The following PHRF1 variants were observed in gnomAD, a reference collection of about 807,000 sequenced individuals.
The protein encoded by PHRF1 is PHD and ring finger domains 1, also known as PHD and RING finger domain-containing protein 1.
A neutral mutation model predicts 128.9 loss-of-function variants in PHRF1; 53 were observed. That is an observed-to-expected ratio of 0.41 (90% CI 0.33 to 0.52). PHRF1 has a LOEUF of 0.52. Ranked by LOEUF, PHRF1 falls within the 20% of genes least tolerant of loss-of-function variation. The probability of loss-of-function intolerance (pLI) is 0.21; values close to 1 mark genes in which losing one functional copy is unlikely to be tolerated. For missense variants in PHRF1, 2,503 were observed against 2,284.5 expected (o/e 1.10, Z -1.95); for synonymous variants, 1,178 against 980.6 (o/e 1.20, Z -3.76).
At chr11:606,307 C>T in intron 12 of PHRF1, 135 bp from the exon 13 acceptor site, 1 of 1,192,942 alleles carries the variant, frequency 8.4e-7, no homozygotes, top group Non-Finnish European at 1.1e-6. Flanking sequence ...CAGCCGGAGC[C>T]AGGGCTGTGG....
intron 1 of PHRF1, among the ~76,000 whole-genome samples, chr11:576,937 G>C (rs1195478784): frequency 6.6e-6 from 1 of 151,750 alleles, no homozygotes; most frequent in Non-Finnish European, 1.5e-5. Flanking sequence ...CGTGGCCTGC[G>C]GGCGGACGTC....
intron 10 of PHRF1, among the ~76,000 whole-genome samples, chr11:603,590 C>A (rs947371441): frequency 6.6e-6 from 1 of 152,148 alleles, no homozygotes; most frequent in Non-Finnish European, 1.5e-5. Context: ...CTGCCTCAAC[C>A]TCCCAAAGTG....
intron 5 of PHRF1, among the ~76,000 whole-genome samples, chr11:592,321 T>G (rs1855020571): frequency 2.0e-5 from 3 of 151,548 alleles, no homozygotes; most frequent in African/African-American, 7.3e-5. Context: ...GCTTACCCGC[T>G]CCTTTCCGTG....
In PHRF1 at chr11:607,501, T is replaced by C. The variant is rs1274217399; in HGVS notation, c.2045T>C (p.Ile682Thr). The C allele has an allele frequency of 6.2e-7, 1 of 1,612,750 alleles. No homozygotes were observed. The highest frequency in any genetic ancestry group is 1.1e-5 in the South Asian group (1 of 91,090). The change falls in exon 14 of 18, where the codon ATA becomes ACA. Residue 682 changes from isoleucine to threonine, a missense_variant. By Grantham distance (89) the Ile-to-Thr change is moderately conservative. Transcript: ENST00000264555. ...ACAGACATCTCTGAGCTACCCAGGA[T>C]ACCAAAGATCAGGAGAGATGACGGT... is the stretch of plus-strand genomic sequence containing the variant. ...RRTDISELPR[I>T]PKIRRDDGGG...
intron 10 of PHRF1, among the ~76,000 whole-genome samples, chr11:602,728 A>G (rs921425999): frequency 2.0e-5 from 3 of 151,860 alleles, no homozygotes; most frequent in Admixed American, 6.6e-5. Context: ...CCATTGTTCA[A>G]GTGTTTGCTG....
Position 579,253 on chromosome 11 carries a change from C to T in PHRF1, c.-21-2239C>T, listed in dbSNP as rs72841254. On this transcript the variant is annotated intron_variant, in intron 1 of 17. Transcript: ENST00000264555. Reference sequence around the variant, plus strand: ...CCCTGCTCCTCCCCCCAGCCCTGCTCCTCCCCCCAGCCCTGCTCTGTTATC... The same window carrying T: ...CCCTGCTCCTCCCCCCAGCCCTGCTTCTCCCCCCAGCCCTGCTCTGTTATC... Among the ~76,000 whole-genome samples, 246 of 82,518 alleles carry T rather than the reference C, an allele frequency of 3.0e-3. 2 individuals carry two copies. Among genetic ancestry groups the T allele is most frequent in the Middle Eastern group, 0.014 (2 of 140 alleles). 54.1% of individuals were successfully genotyped at this position (82,518 alleles called of 152,430 possible).
intron 10 of PHRF1, among the ~76,000 whole-genome samples, chr11:603,485 G>A (rs902914760): frequency 1.3e-5 from 2 of 152,052 alleles, no homozygotes; most frequent in Non-Finnish European, 2.9e-5. Flanking sequence ...ACAGGCTCAC[G>A]CCACCTCACC....
chr11:609,457 C>T lies in PHRF1; in HGVS notation c.4001C>T (p.Pro1334Leu). The T allele has an allele frequency of 3.1e-6, 5 of 1,605,952 alleles. No homozygotes were observed. Among genetic ancestry groups the T allele is most frequent in the Non-Finnish European group, 3.4e-6 (4 of 1,179,604 alleles). ...ATGCACGATGAAGACCCTTCGCAGC[C>T]CCCACCCCTGCCAGAGGGCACCCAG... is the stretch of plus-strand genomic sequence containing the variant. ...SLMHDEDPSQ[P>L]PPLPEGTQEP... is the part of the protein sequence containing the mutation. The change falls in exon 14 of 18, where the codon CCC becomes CTC. Residue 1334 changes from proline (P) to leucine (L), a missense_variant. Transcript: ENST00000264555.
At position 608,999 on chromosome 11, in the gene PHRF1, T is replaced by G. The variant is rs956788375; in HGVS notation, c.3543T>G (p.Arg1181=). ...GGGAGCACAGGCGGCCTCGGTCCCG[T>G]GAGAAGTGGCCGCAGACCCGGTCCC... ...RAREHRRPRS[R]EKWPQTRSHS... is the part of the protein sequence containing the mutation. Residue 1181 remains arginine, a synonymous_variant, in exon 14 of 18, where the codon CGT becomes CGG. Transcript: ENST00000264555. The G allele has an allele frequency of 1.6e-5, 26 of 1,602,448 alleles. No homozygotes were observed. In the Admixed American group the frequency reaches 3.3e-4, roughly 20 times the overall value.
chr11:586,941 G>C (rs1001229806), intron 3 of PHRF1, among the ~76,000 whole-genome samples: 1 of 152,188 alleles, frequency 6.6e-6, no homozygotes, highest in Non-Finnish European at 1.5e-5. Flanking sequence ...ACCTGTGCTA[G>C]GCCCCAGGGC....
Position 610,303 on chromosome 11 carries a change from C to G in PHRF1, c.4372C>G (p.His1458Asp). Residue 1458 changes from histidine (H) to aspartate (D), a missense_variant, in exon 15 of 18, where the codon CAC (histidine) becomes GAC (aspartate). Coordinates refer to ENST00000264555, the MANE Select transcript of PHRF1 (RefSeq NM_001286581.2). ...GTTCTCCGAGCTGCCCTTTCCCAGTCACGTGCTTCCGGAACCCGGGTTCCC... is the reference window on the plus strand; with the variant it reads ...GTTCTCCGAGCTGCCCTTTCCCAGTGACGTGCTTCCGGAACCCGGGTTCCC... ...QVFSELPFPSHVLPEPGFPDT... is the reference protein window; with the variant it reads ...QVFSELPFPSDVLPEPGFPDT... The G allele has an allele frequency of 1.3e-6, 2 of 1,564,656 alleles. No homozygotes were observed. Among genetic ancestry groups the G allele is most frequent in the East Asian group, 4.8e-5 (2 of 41,876 alleles).
At chr11:611,531 G>A (rs12419618) in intron 17 of PHRF1, 103 bp from the exon 18 acceptor site, 333,656 of 1,523,818 alleles carry the variant, frequency 0.22, 38,808 homozygotes, top group African/African-American at 0.32. Flanking sequence ...CCTAGGGCCT[G>A]CTCCTGAGCA....
At chr11:596,467 C>T (rs974371011) in intron 6 of PHRF1, among the ~76,000 whole-genome samples, 3 of 152,202 alleles carry the variant, frequency 2.0e-5, no homozygotes, top group East Asian at 1.9e-4. Context: ...CAGCACCTAC[C>T]GCAGGAGCTC....
rs1187166375 is a variant in PHRF1 at position 597,691 on chromosome 11, ATGT to A, written c.894+126_894+128del. 3.8e-6 allele frequency: 5 copies of A among 1,314,848 alleles called. No homozygotes were observed. Among genetic ancestry groups the A allele is most frequent in the Non-Finnish European group, 5.2e-6 (5 of 968,114 alleles). 81.4% of individuals were successfully genotyped at this position (1,314,848 alleles called of 1,614,324 possible). A position where few individuals can be genotyped will look rare whatever the true frequency, so the allele number is the denominator to read the frequency against. ...GGGGTCCGCCCGGCCCCGGTGGCTCATGTTGTTCGGCCTGCTGAGGGGAGCAGA... is the reference window on the plus strand; with the variant it reads ...GGGGTCCGCCCGGCCCCGGTGGCTCATGTTCGGCCTGCTGAGGGGAGCAGA... On this transcript the variant is annotated intron_variant, in intron 8 of 17. Transcript: ENST00000264555. This position sits in a 1 kb window ranked among gnomAD's most constrained non-coding sequence, Gnocchi z 6.5.
chr11:579,802 G>A (rs984826585), intron 1 of PHRF1, among the ~76,000 whole-genome samples: 3 of 152,234 alleles, frequency 2.0e-5, no homozygotes, highest in Non-Finnish European at 4.4e-5. Context: ...GTTGACAGTT[G>A]GATGGAGTTG....
rs188651933 is a variant in PHRF1, at chr11:598,874, A to C, written c.1024+372A>C. ...GGGCTTTTCTGTGGGGGCCGAGTTG[A>C]GATCAGTGATTTCGCATCTTGTCTT... On this transcript the variant is annotated intron_variant, in intron 9 of 17. Coordinates refer to ENST00000264555, the MANE Select transcript of PHRF1 (RefSeq NM_001286581.2). Among the ~76,000 whole-genome samples, 23 of 152,352 alleles carry C rather than the reference A, an allele frequency of 1.5e-4. No individual in the cohort carries two copies. The East Asian group carries it at 4.2e-3, about 28-fold the overall frequency.
At position 596,949 on chromosome 11, in the gene PHRF1, C is replaced by G. The variant is rs779788613; in HGVS notation, c.647C>G (p.Pro216Arg). The G allele has an allele frequency of 2.5e-6, 4 of 1,613,786 alleles. No homozygotes were observed. Among genetic ancestry groups the G allele is most frequent in the East Asian group, 2.2e-5 (1 of 44,892 alleles). ...AGYHMECLDPPLQEVPVDEWF... is the reference protein window; with the variant it reads ...AGYHMECLDPRLQEVPVDEWF... The stretch of plus-strand genomic sequence containing the variant: ...TACCACATGGAATGCTTGGACCCCC[C>G]TCTCCAGGAGGTGCCGGTGGACGAG... Residue 216 changes from proline to arginine, a missense_variant, in exon 7 of 18, where the codon CCT (proline) becomes CGT (arginine). Transcript: ENST00000264555.
Position 609,415 on chromosome 11 carries a change from A to G in PHRF1, c.3959A>G (p.Gln1320Arg). The G allele has an allele frequency of 6.2e-7, 1 of 1,609,858 alleles. No individual in the cohort carries two copies. The highest frequency in any genetic ancestry group is 8.5e-7 in the Non-Finnish European group (1 of 1,179,808). ...PPASLAVAAI[Q>R]REVSLMHDED... ...GCCAGCCTGGCCGTGGCCGCCATCC[A>G]GAGGGAGGTGTCATTGATGCACGAT... The change falls in exon 14 of 18, where the codon CAG becomes CGG. Residue 1320 changes from glutamine (Q) to arginine (R), a missense_variant. Transcript: ENST00000264555.
chr11:605,692 C>G lies in PHRF1; in HGVS notation c.1422C>G (p.Pro474=). The G allele has an allele frequency of 6.2e-7, 1 of 1,612,960 alleles. No individual in the cohort carries two copies. Among genetic ancestry groups the G allele is most frequent in the Non-Finnish European group, 8.5e-7 (1 of 1,179,850 alleles). The change falls in exon 12 of 18, where the codon CCC becomes CCG. Residue 474 remains proline (P), a synonymous_variant. Coordinates refer to ENST00000264555, the MANE Select transcript of PHRF1 (RefSeq NM_001286581.2). ...GGTCAGCCCTGCAGTCCCACCAGCC[C>G]GTGGCCAGGCCCGTCTCCGTGGGGC... ...LSRSALQSHQ[P]VARPVSVGLS...
Sources: allele counts gnomAD v4.1 joint callset (sites outside exome capture counted in the v4.1 genomes callset), GRCh38; gene constraint gnomAD v4.1.1; non-coding constraint Gnocchi (gnomAD v3.1); transcripts MANE v1.5; gene names NCBI Gene and HGNC (gene_info 2026-07-23, HGNC 2026-07-21).